AOPEP: variants seen among roughly 807,000 people sequenced by gnomAD.
The protein encoded by AOPEP is aminopeptidase O (putative).
Under a neutral mutation model 98.1 loss-of-function variants are expected in AOPEP, and 77 were observed. That is an observed-to-expected ratio of 0.78 (90% CI 0.65 to 0.95). The LOEUF is 0.95. AOPEP is among the 40% of genes least tolerant of loss of function. The probability of loss-of-function intolerance (pLI) is 0.00; values close to 1 mark genes in which losing one functional copy is unlikely to be tolerated. For missense variants in AOPEP, 1,024 were observed against 1,024.7 expected, an observed-to-expected ratio of 1.00 and a Z score of 0.01; for synonymous variants, 346 against 365.3, an observed-to-expected ratio of 0.95 and a Z score of 0.60.
At chr9:95,056,654 A>G (rs1292508948) in intron 13 of AOPEP, 1 of 152,016 alleles carries the variant, frequency 6.6e-6, no homozygotes, top group Non-Finnish European at 1.5e-5. Flanking sequence ...TTCCAGGAGC[A>G]TGCATAAAAA....
At chr9:95,121,785 A>G in the AOPEP span, among the ~76,000 whole-genome samples, 1 of 152,150 alleles carries the variant, frequency 6.6e-6, no homozygotes, top group Non-Finnish European at 1.5e-5. Context: ...TAAACAAAAC[A>G]TTGTTTAGGC....
At chr9:94,936,071 G>T (rs562780149) in intron 7 of AOPEP, among the ~76,000 whole-genome samples, 1 of 152,096 alleles carries the variant, frequency 6.6e-6, no homozygotes, top group Non-Finnish European at 1.5e-5. Context: ...TAATACCACT[G>T]TCTCTCTCTT....
chr9:95,112,581 G>C, the AOPEP span, among the ~76,000 whole-genome samples: 7 of 152,366 alleles, frequency 4.6e-5, no homozygotes, highest in South Asian at 1.2e-3. Flanking sequence ...CTGTGGGCTG[G>C]GTTAGGCTGT....
chr9:94,754,371 T>C (rs897649010), intron 1 of AOPEP, among the ~76,000 whole-genome samples: 1 of 152,138 alleles, frequency 6.6e-6, no homozygotes, highest in Non-Finnish European at 1.5e-5. Context: ...AAGTAATCGG[T>C]GGAATTAAAT....
At chr9:94,796,732 A>G (rs978082854) in intron 4 of AOPEP, among the ~76,000 whole-genome samples, 15 of 152,342 alleles carry the variant, frequency 9.8e-5, no homozygotes, top group Admixed American at 2.6e-4. Flanking sequence ...ACTTTCACAC[A>G]TGCTCCAGCC....
chr9:95,069,842 C>T (rs1427341600), intron 14 of AOPEP, among the ~76,000 whole-genome samples: 1 of 152,230 alleles, frequency 6.6e-6, no homozygotes, highest in Non-Finnish European at 1.5e-5. Context: ...TAGACAAGAG[C>T]TGTAGGAATT....
rs72750362 is a variant in AOPEP at position 94,986,907 on chromosome 9, A to G, written c.1977+7480A>G. 5.3e-3 allele frequency among the ~76,000 whole-genome samples: 802 copies of G among 152,366 alleles called. 14 individuals are homozygous for G. Among genetic ancestry groups the G allele is most frequent in the East Asian group, 0.043 (225 of 5,190 alleles). ...AAGACTAGACTTCAAGTGAATAACA[A>G]GAATTAAAAATGTTTCCTCTCTCTT... is the stretch of plus-strand genomic sequence containing the variant. On this transcript the variant is annotated intron_variant, in intron 11 of 16. Coordinates refer to ENST00000375315, the MANE Select transcript of AOPEP (RefSeq NM_001193329.3).
intron 13 of AOPEP, among the ~76,000 whole-genome samples, chr9:95,040,204 G>A (rs1195180925): frequency 1.3e-5 from 2 of 152,190 alleles, no homozygotes; most frequent in Admixed American, 6.5e-5. Flanking sequence ...CTTCCCACAG[G>A]CTTGTTTGTC....
At chr9:94,898,548 G>A (rs549409392) in intron 5 of AOPEP, among the ~76,000 whole-genome samples, 2 of 151,782 alleles carry the variant, frequency 1.3e-5, no homozygotes, top group African/African-American at 2.4e-5. Context: ...CAGGAGAATC[G>A]CTTGAACCCA....
chr9:95,018,292 T>C (rs1239438741), intron 13 of AOPEP, among the ~76,000 whole-genome samples: 1 of 152,234 alleles, frequency 6.6e-6, no homozygotes, highest in Non-Finnish European at 1.5e-5. Flanking sequence ...CCTTGTCAGC[T>C]CCTGGTATTG....
rs532567808 is a variant in AOPEP, at chr9:95,051,848, C to T, written c.2116-8846C>T. Reference sequence around the variant, plus strand: ...CCTCCCAAGTAGCTGGGACTACAGGCGCCTGCCACCACACCCGGCTCATTT... The same window carrying T: ...CCTCCCAAGTAGCTGGGACTACAGGTGCCTGCCACCACACCCGGCTCATTT... On this transcript the variant is annotated intron_variant, in intron 13 of 16. Coordinates refer to ENST00000375315, the MANE Select transcript of AOPEP (RefSeq NM_001193329.3). Among the ~76,000 whole-genome samples, 33 of 152,102 alleles carry T rather than the reference C, an allele frequency of 2.2e-4. No homozygotes were observed. The South Asian group carries it at 5.2e-3, about 24-fold the overall frequency.
chr9:95,098,587 G>A, the AOPEP span, among the ~76,000 whole-genome samples: 147 of 152,290 alleles, frequency 9.7e-4, 2 homozygotes, highest in Middle Eastern at 0.017. Context: ...GGTCCTGGGG[G>A]TGGCCACGGC....
chr9:95,135,558 G>T, the AOPEP span: 1 of 1,544,732 alleles, frequency 6.5e-7, no homozygotes, highest in Non-Finnish European at 8.9e-7. Flanking sequence ...GAAAAAAGAA[G>T]ATTAAAAAAA....
At chr9:94,752,532 A>G (rs1293517128) in intron 1 of AOPEP, among the ~76,000 whole-genome samples, 1 of 152,086 alleles carries the variant, frequency 6.6e-6, no homozygotes. Flanking sequence ...ACTATCAACA[A>G]AAGTTCTACA....
intron 2 of AOPEP, among the ~76,000 whole-genome samples, chr9:94,772,050 G>A (rs1224528466): frequency 6.6e-6 from 1 of 152,124 alleles, no homozygotes; most frequent in Non-Finnish European, 1.5e-5. Flanking sequence ...CAATTATAAT[G>A]ATGTTAATGA....
intron 11 of AOPEP, among the ~76,000 whole-genome samples, chr9:94,988,912 C>CTTTT (rs368515133): frequency 7.2e-6 from 1 of 138,830 alleles, no homozygotes; most frequent in African/African-American, 2.6e-5. Flanking sequence ...CTTTTCCTTT[C>CTTTT]TTTTTTTTTT....
At chr9:94,845,679 G>A (rs945368179) in intron 5 of AOPEP, among the ~76,000 whole-genome samples, 1 of 152,118 alleles carries the variant, frequency 6.6e-6, no homozygotes, top group Non-Finnish European at 1.5e-5. Flanking sequence ...AGTGGTTTGT[G>A]TCTAAGATGT....
intron 14 of AOPEP, among the ~76,000 whole-genome samples, chr9:95,078,466 A>G (rs2069329653): frequency 6.6e-6 from 1 of 152,276 alleles, no homozygotes; most frequent in South Asian, 2.1e-4. Flanking sequence ...TGGTCAGATC[A>G]GACAAGCGTT....
At chr9:95,043,620 A>T (rs2133632819) in intron 13 of AOPEP, among the ~76,000 whole-genome samples, 1 of 152,224 alleles carries the variant, frequency 6.6e-6, no homozygotes, top group African/African-American at 2.4e-5. Context: ...AACATTGTAA[A>T]CATCCTTTTT....
Sources: allele counts gnomAD v4.1 joint callset (sites outside exome capture counted in the v4.1 genomes callset), GRCh38; gene constraint gnomAD v4.1.1; transcripts MANE v1.5; gene names NCBI Gene and HGNC (gene_info 2026-07-23, HGNC 2026-07-21).